Variants in DYNC1I1 observed in about 807,000 individuals in gnomAD.
DYNC1I1 encodes dynein cytoplasmic 1 intermediate chain 1.
DYNC1I1 carries 43 observed loss-of-function variants against 86.6 expected under a neutral mutation model. The observed-to-expected ratio is 0.50, with a 90% CI of 0.39 to 0.64. The LOEUF (loss-of-function observed/expected upper bound fraction) is 0.64, where lower values mean the gene tolerates loss of function less well. DYNC1I1 is among the 30% of genes least tolerant of loss of function. DYNC1I1 has a pLI of 0.00. For missense variants in DYNC1I1, 604 were observed against 788.8 expected (o/e 0.77, Z 2.81); for synonymous variants, 262 against 283.7 (o/e 0.92, Z 0.77).
intron 1 of DYNC1I1, among the ~76,000 whole-genome samples, chr7:95,796,942 T>C (rs1200271072): frequency 6.6e-6 from 1 of 152,180 alleles, no homozygotes; most frequent in African/African-American, 2.4e-5. Flanking sequence ...AAACTGCTGG[T>C]ATTCTAACGT....
chr7:96,091,454 C>T (rs1039936929), intron 16 of DYNC1I1, among the ~76,000 whole-genome samples: 10 of 152,158 alleles, frequency 6.6e-5, no homozygotes, highest in African/African-American at 2.4e-4. Flanking sequence ...GAATATTTAT[C>T]TTGAAACCTA....
At chr7:95,964,911 T>C (rs1005604084) in intron 6 of DYNC1I1, among the ~76,000 whole-genome samples, 4 of 152,206 alleles carry the variant, frequency 2.6e-5, no homozygotes, top group Non-Finnish European at 4.4e-5. Flanking sequence ...AGCTGTGAGG[T>C]GTGAGTTCTT....
intron 10 of DYNC1I1, among the ~76,000 whole-genome samples, chr7:96,008,246 G>C (rs1285050498): frequency 6.6e-6 from 1 of 151,768 alleles, no homozygotes; most frequent in African/African-American, 2.4e-5. Context: ...GTCATTCCCC[G>C]GAAAGAAAAA....
chr7:95,988,390 A>G (rs1793649256), intron 9 of DYNC1I1, among the ~76,000 whole-genome samples: 1 of 152,164 alleles, frequency 6.6e-6, no homozygotes, highest in Non-Finnish European at 1.5e-5. Flanking sequence ...TGATCTCTTC[A>G]TTCCCTAGAC....
intron 5 of DYNC1I1, among the ~76,000 whole-genome samples, chr7:95,846,249 C>T (rs1198924746): frequency 6.6e-6 from 1 of 152,084 alleles, no homozygotes; most frequent in Non-Finnish European, 1.5e-5. Context: ...AAAGTGAGCC[C>T]TTAATAGCAG....
chr7:95,953,875 G>A (rs545809421), intron 6 of DYNC1I1, among the ~76,000 whole-genome samples: 3 of 152,172 alleles, frequency 2.0e-5, no homozygotes. Flanking sequence ...TCAGAAATAA[G>A]TGCTTTACTT....
intron 14 of DYNC1I1, among the ~76,000 whole-genome samples, chr7:96,064,962 G>A (rs1444530236): frequency 6.6e-6 from 1 of 151,602 alleles, no homozygotes; most frequent in African/African-American, 2.4e-5. Context: ...ACACACTCAT[G>A]TAGTAGTGTT....
intron 1 of DYNC1I1, among the ~76,000 whole-genome samples, chr7:95,774,305 G>A (rs1793785027): frequency 6.6e-6 from 1 of 150,746 alleles, no homozygotes; most frequent in South Asian, 2.2e-4. Flanking sequence ...CTTGTCTCAG[G>A]CCTCAGATAC....
At chr7:95,999,036 A>C (rs530848146) in intron 10 of DYNC1I1, among the ~76,000 whole-genome samples, 111 of 152,254 alleles carry the variant, frequency 7.3e-4, no homozygotes, top group Admixed American at 4.1e-3. Context: ...CTGGTCCTGC[A>C]TTTTCTATTT....
intron 11 of DYNC1I1, among the ~76,000 whole-genome samples, chr7:96,030,040 C>T (rs1179765783): frequency 1.4e-5 from 2 of 139,344 alleles, no homozygotes; most frequent in East Asian, 3.9e-4. Context: ...TTTGTTTTCT[C>T]TAATCTATAG....
intron 6 of DYNC1I1, among the ~76,000 whole-genome samples, chr7:95,903,559 A>G (rs903521556): frequency 5.9e-5 from 9 of 152,218 alleles, no homozygotes; most frequent in African/African-American, 1.9e-4. Context: ...TAATGTTTGC[A>G]ATGTTTCAGC....
rs543256661 is a variant in DYNC1I1, at chr7:95,882,512, A to C, written c.490+12514A>C. Among the ~76,000 whole-genome samples the C allele has an allele frequency of 9.2e-5, 14 of 152,326 alleles. No individual in the cohort carries two copies. The South Asian group carries it at 1.2e-3, about 14-fold the overall frequency. Reference sequence around the variant, plus strand: ...ACTTCAGCAGTCATCCAGCAGAACTAAATAGTGTCCCCATCATCTTCAGGT... The same window carrying C: ...ACTTCAGCAGTCATCCAGCAGAACTCAATAGTGTCCCCATCATCTTCAGGT... On this transcript the variant is annotated intron_variant, in intron 6 of 16. Coordinates refer to ENST00000447467, the MANE Select transcript of DYNC1I1 (RefSeq NM_001135556.2).
chr7:95,966,150 C>G (rs1793006762), intron 6 of DYNC1I1, among the ~76,000 whole-genome samples: 1 of 152,124 alleles, frequency 6.6e-6, no homozygotes. Context: ...CAGAATTTCC[C>G]AAGACAGTCA....
At chr7:96,007,410 A>C (rs930251050) in intron 10 of DYNC1I1, among the ~76,000 whole-genome samples, 16 of 152,186 alleles carry the variant, frequency 1.1e-4, no homozygotes, top group Admixed American at 6.5e-4. Context: ...ACTGTTCTCC[A>C]CCTCAAAACT....
Position 96,039,369 on chromosome 7 carries a change from A to G in DYNC1I1, c.1457A>G (p.His486Arg), listed in dbSNP as rs1295323167. The change falls in exon 14 of 17, where the codon CAC (histidine) becomes CGC (arginine). Residue 486 changes from histidine to arginine, a missense_variant. Transcript: ENST00000447467. Reference sequence around the variant, plus strand: ...GCAGTGGGCCCAATCGACTTTTCTCACCTGTTTGTCACATCATCATTTGAC... The same window carrying G: ...GCAGTGGGCCCAATCGACTTTTCTCGCCTGTTTGTCACATCATCATTTGAC... ...HMAVGPIDFS[H>R]LFVTSSFDWT... 1 of 1,614,002 alleles carries G rather than the reference A, an allele frequency of 6.2e-7. No individual in the cohort carries two copies. Among genetic ancestry groups the G allele is most frequent in the African/African-American group, 1.3e-5 (1 of 75,038 alleles).
chr7:95,803,807 A>G (rs1330640579), intron 1 of DYNC1I1, among the ~76,000 whole-genome samples: 1 of 152,140 alleles, frequency 6.6e-6, no homozygotes, highest in African/African-American at 2.4e-5. Flanking sequence ...CAAGGTTTCC[A>G]TTTTGTTAGT....
intron 6 of DYNC1I1, among the ~76,000 whole-genome samples, chr7:95,909,007 A>G (rs1791249671): frequency 6.6e-6 from 1 of 151,772 alleles, no homozygotes; most frequent in Admixed American, 6.6e-5. Flanking sequence ...TCTCCCAGAC[A>G]GTGTCTGAAG....
At chr7:95,834,559 C>T (rs1375195589) in intron 5 of DYNC1I1, among the ~76,000 whole-genome samples, 1 of 135,584 alleles carries the variant, frequency 7.4e-6, no homozygotes, top group African/African-American at 2.8e-5. Flanking sequence ...CCAGTTCCTC[C>T]TTGTACCTCT....
At chr7:95,818,999 AC>A (rs1795014153) in intron 4 of DYNC1I1, 1 of 152,452 alleles carries the variant, frequency 6.6e-6, no homozygotes, top group South Asian at 2.1e-4. Context: ...GCATTTCTTA[AC>A]CCAAAACACT....
Sources: gnomAD v4.1 joint callset for allele counts (sites outside exome capture counted in the v4.1 genomes callset) on GRCh38, gnomAD v4.1.1 for gene constraint, MANE v1.5 for transcripts, NCBI Gene and HGNC (gene_info 2026-07-23, HGNC 2026-07-21) for gene names.